The following CLIP1 variants were observed in gnomAD, a reference collection of about 807,000 sequenced individuals.
The protein encoded by CLIP1 is CAP-Gly domain-containing linker protein 1.
CLIP1 carries 66 observed loss-of-function variants against 161.6 expected under a neutral mutation model. The observed-to-expected ratio is 0.41, with a 90% CI of 0.33 to 0.50. The LOEUF (loss-of-function observed/expected upper bound fraction) is 0.50, where lower values mean the gene tolerates loss of function less well. Ranked by LOEUF, CLIP1 falls within the 20% of genes least tolerant of loss-of-function variation. The pLI is 0.27. For missense variants in CLIP1, 1,376 were observed against 1,702.0 expected, an observed-to-expected ratio of 0.81 and a Z score of 3.37; for synonymous variants, 598 against 626.2, an observed-to-expected ratio of 0.96 and a Z score of 0.67.
intron 1 of CLIP1, among the ~76,000 whole-genome samples, chr12:122,393,912 C>CAAAAAAAAAAAAAAAAAAAAAAAAA (rs71082981): frequency 6.3e-5 from 4 of 63,196 alleles, no homozygotes; most frequent in African/African-American, 1.4e-4. Flanking sequence ...ATTCTGTCTC[C>CAAAAAAAAAAAAAAAAAAAAAAAAA]AAAAAAAAAA....
At chr12:122,288,808 C>CTTTTTTTTT (rs200069106) in intron 20 of CLIP1, among the ~76,000 whole-genome samples, 1 of 114,452 alleles carries the variant, frequency 8.7e-6, no homozygotes, top group Non-Finnish European at 1.7e-5. Context: ...CGAAGCACAT[C>CTTTTTTTTT]TTTTTTTTTT....
At chr12:122,365,279 C>T in intron 3 of CLIP1, 1 of 692,064 alleles carries the variant, frequency 1.4e-6, no homozygotes, top group Non-Finnish European at 2.6e-6. Flanking sequence ...ATATTGTAGA[C>T]ATCAAAGGAA....
chr12:122,344,144 C>G (rs1438026542), intron 10 of CLIP1: 1 of 152,204 alleles, frequency 6.6e-6, no homozygotes, highest in Non-Finnish European at 1.5e-5. Flanking sequence ...TGTTTTCTTT[C>G]ATTTCCTCTG....
chr12:122,380,377 G>A lies in CLIP1; in HGVS notation c.76C>T (p.Pro26Ser). ...LKPGSTALKTPTAVVAPVEKT... is the reference protein window; with the variant it reads ...LKPGSTALKTSTAVVAPVEKT... ...AAGCGTAAAGTATTACCAGCCGTAG[G>A]TGTCTTCAGAGCTGTGCTTCCAGGC... is the stretch of plus-strand genomic sequence containing the variant. Residue 26 changes from proline to serine, a missense_variant, in exon 2 of 26, where the codon CCT becomes TCT. Pro to Ser is a moderately conservative substitution (Grantham distance 74). Coordinates refer to ENST00000620786, the MANE Select transcript of CLIP1 (RefSeq NM_001247997.2). 3 of 1,611,846 alleles carry A rather than the reference G, an allele frequency of 1.9e-6. No homozygotes were observed. Among genetic ancestry groups the A allele is most frequent in the Non-Finnish European group, 2.5e-6 (3 of 1,178,542 alleles).
chr12:122,412,855 G>GA, intron 1 of CLIP1, among the ~76,000 whole-genome samples: 1 of 151,750 alleles, frequency 6.6e-6, no homozygotes, highest in African/African-American at 2.4e-5. Context: ...AATACATAAA[G>GA]AAAAAAATAA....
At chr12:122,273,284 C>G (rs1055126326) in intron 25 of CLIP1, among the ~76,000 whole-genome samples, 184 bp from the exon 26 acceptor site, 3 of 152,190 alleles carry the variant, frequency 2.0e-5, no homozygotes, top group Non-Finnish European at 2.9e-5. Flanking sequence ...GAGTCTCAGA[C>G]TCTCACCCAG....
rs1952101650 is a variant in CLIP1, at chr12:122,333,950, T to C, written c.2710+77A>G. On this transcript the variant is annotated intron_variant, in intron 14 of 25. Coordinates refer to ENST00000620786, the MANE Select transcript of CLIP1 (RefSeq NM_001247997.2). ...CTATGCCTGAATAGTACATTTGTTA[T>C]GTAACATACTACAACTGTCTCGAAT... 3 of 848,262 alleles carry C rather than the reference T, an allele frequency of 3.5e-6. No homozygotes were observed. In the African/African-American group the frequency reaches 5.0e-5, roughly 14 times the overall value. 52.5% of individuals were successfully genotyped at this position (848,262 alleles called of 1,614,324 possible).
At chr12:122,391,715 C>T (rs1821092180) in intron 1 of CLIP1, among the ~76,000 whole-genome samples, 1 of 152,168 alleles carries the variant, frequency 6.6e-6, no homozygotes. Context: ...CCCAACAACA[C>T]AAAAATGTGT....
intron 2 of CLIP1, 109 bp downstream of exon 2, chr12:122,380,259 C>A (rs1335580116): frequency 2.9e-5 from 18 of 613,598 alleles, no homozygotes; most frequent in African/African-American, 3.9e-5. Flanking sequence ...AAAAAAAAAT[C>A]TTTCAAATAT....
chr12:122,339,702 T>G (rs1316375584), intron 11 of CLIP1, among the ~76,000 whole-genome samples: 1 of 152,190 alleles, frequency 6.6e-6, no homozygotes, highest in Non-Finnish European at 1.5e-5. Flanking sequence ...GCAATTACAG[T>G]CATGCATTGC....
intron 17 of CLIP1, among the ~76,000 whole-genome samples, chr12:122,326,460 G>T (rs527580354): frequency 1.3e-5 from 2 of 152,198 alleles, no homozygotes; most frequent in African/African-American, 4.8e-5. Flanking sequence ...CAGGTGGATC[G>T]CTTGCATCCA....
chr12:122,406,804 C>T (rs1461761125), intron 1 of CLIP1, among the ~76,000 whole-genome samples: 1 of 151,970 alleles, frequency 6.6e-6, no homozygotes, highest in African/African-American at 2.4e-5. Flanking sequence ...AGAGATGGAA[C>T]TCTGAGCTCT....
At chr12:122,335,830 C>T (rs1319530835) in intron 12 of CLIP1, among the ~76,000 whole-genome samples, 2 of 151,810 alleles carry the variant, frequency 1.3e-5, no homozygotes, top group African/African-American at 4.8e-5. Context: ...AGATCACACA[C>T]GTTAATTCAC....
At position 122,334,621 on chromosome 12, in the gene CLIP1, A is replaced by G. The variant is rs915725011; in HGVS notation, c.2626+27T>C. 9 of 1,514,816 alleles carry G rather than the reference A, an allele frequency of 5.9e-6. No individual in the cohort carries two copies. In the Middle Eastern group the frequency reaches 5.1e-4, roughly 85 times the overall value. The allele number at this position is 1,514,816 out of a possible 1,614,324, so 93.8% of individuals were successfully genotyped here. On this transcript the variant is annotated intron_variant, in intron 13 of 25. Coordinates refer to ENST00000620786, the MANE Select transcript of CLIP1 (RefSeq NM_001247997.2). ...TGAAAGAATGATATTTTTTAAAGCA[A>G]TCTGCACACGCTCTGGTAAGACATA...
chr12:122,356,661 C>G, intron 5 of CLIP1, among the ~76,000 whole-genome samples: 1 of 152,112 alleles, frequency 6.6e-6, no homozygotes, highest in Admixed American at 6.5e-5. Context: ...CTCTCCCTCT[C>G]TTTCCATGGT....
Position 122,340,866 on chromosome 12 carries a change from G to C in CLIP1, c.2338C>G (p.Arg780Gly). Residue 780 changes from arginine to glycine, a missense_variant, in exon 11 of 26, where the codon CGG (arginine) becomes GGG (glycine). Arg to Gly is a moderately radical substitution (Grantham distance 125). This residue lies in a region of CLIP1 where 948 missense variants were observed against 1,134.8 expected (regional missense o/e 0.84). Transcript: ENST00000620786. ...EEKLLDLDAL[R>G]KASSEGKSEM... ...GATTTACCTTCGGAACTGGCTTTCC[G>C]AAGTGCATCAAGATCCAAGAGCTTT... 1.2e-6 allele frequency: 2 copies of C among 1,614,088 alleles called. No homozygotes were observed. The highest frequency in any genetic ancestry group is 1.7e-6 in the Non-Finnish European group (2 of 1,179,998).
Position 122,293,002 on chromosome 12 carries a change from C to CAAAAAAAAAAAAAAA in CLIP1, c.3595-4476_3595-4462dup, listed in dbSNP as rs57326141. Among the ~76,000 whole-genome samples the CAAAAAAAAAAAAAAA allele has an allele frequency of 1.7e-3, 72 of 43,566 alleles. 3 individuals carry two copies. Among genetic ancestry groups the CAAAAAAAAAAAAAAA allele is most frequent in the African/African-American group, 7.0e-3 (62 of 8,816 alleles). 28.6% of individuals were successfully genotyped at this position (43,566 alleles called of 152,430 possible). On this transcript the variant is annotated intron_variant, in intron 20 of 25. Coordinates refer to ENST00000620786, the MANE Select transcript of CLIP1 (RefSeq NM_001247997.2). ...TGGGCAAAAGAGCAAGACTCTGTCT[C>CAAAAAAAAAAAAAAA]AAAAAAAAAAAAAAAAAAAAGGCAA... is the stretch of plus-strand genomic sequence containing the variant.
intron 20 of CLIP1, among the ~76,000 whole-genome samples, chr12:122,306,009 G>A (rs1319669341): frequency 1.3e-5 from 2 of 150,336 alleles, no homozygotes; most frequent in Non-Finnish European, 3.0e-5. Flanking sequence ...CCAAGTGATC[G>A]AGCCACTGCA....
chr12:122,328,139 G>T lies in CLIP1; in HGVS notation c.3057C>A (p.His1019Gln). 1 of 1,614,140 alleles carries T rather than the reference G, an allele frequency of 6.2e-7. No individual in the cohort carries two copies. Among genetic ancestry groups the T allele is most frequent in the South Asian group, 1.1e-5 (1 of 91,088 alleles). The change falls in exon 17 of 26, where the codon CAC (histidine) becomes CAA (glutamine). Residue 1019 changes from histidine to glutamine, a missense_variant. Around this residue, in one of 6 missense-constraint regions of CLIP1, gnomAD observed 948 missense variants for 1,134.8 expected, o/e 0.84. Transcript: ENST00000620786. ...SDLEKKMETS[H>Q]NQCQELKARY... ...TGGCTTTCAGCTCCTGACACTGGTT[G>T]TGGCTTGTTTCCATTTTCTTTTCCT...
Sources: allele counts gnomAD v4.1 joint callset (sites outside exome capture counted in the v4.1 genomes callset), GRCh38; gene constraint gnomAD v4.1.1; regional missense constraint gnomAD v4.1.1; transcripts MANE v1.5; gene names NCBI Gene and HGNC (gene_info 2026-07-23, HGNC 2026-07-21).